Variants in HHAT observed in about 807,000 individuals in gnomAD.
HHAT encodes the protein protein-cysteine N-palmitoyltransferase HHAT.
In HHAT, 47 loss-of-function variants were observed where a neutral mutation model predicts 70.8. That is an observed-to-expected ratio of 0.66 (90% CI 0.53 to 0.85). HHAT has a LOEUF of 0.85. Among genes scored for constraint, HHAT ranks in the 40% least tolerant of loss-of-function variants. The probability of loss-of-function intolerance (pLI) is 0.00; values close to 1 mark genes in which losing one functional copy is unlikely to be tolerated. For synonymous variants in HHAT, 228 were observed against 247.6 expected (o/e 0.92, Z 0.74); for missense variants, 609 against 604.8 (o/e 1.01, Z -0.07).
chr1:210,522,874 A>G (rs779588693), intron 9 of HHAT, among the ~76,000 whole-genome samples: 6 of 152,032 alleles, frequency 3.9e-5, no homozygotes, highest in African/African-American at 2.4e-5. Context: ...CCTTTCTAAG[A>G]CCTTGACTAC....
At chr1:210,477,125 C>T (rs2094317284) in intron 8 of HHAT, among the ~76,000 whole-genome samples, 1 of 152,134 alleles carries the variant, frequency 6.6e-6, no homozygotes, top group South Asian at 2.1e-4. Context: ...AGACAGGTGA[C>T]AACAAACTTG....
intron 3 of HHAT, among the ~76,000 whole-genome samples, chr1:210,376,264 A>G (rs891240259): frequency 6.6e-6 from 1 of 152,120 alleles, no homozygotes; most frequent in African/African-American, 2.4e-5. Flanking sequence ...TATTTATATC[A>G]ACATTTACTT....
intron 1 of HHAT, among the ~76,000 whole-genome samples, chr1:210,336,764 CAG>C (rs59533331): frequency 0.013 from 1,991 of 152,064 alleles, 50 homozygotes; most frequent in African/African-American, 0.046. Context: ...GTCTGGGTGA[CAG>C]AGTGAGACCC....
intron 3 of HHAT, among the ~76,000 whole-genome samples, chr1:210,381,367 A>AC (rs2090621865): frequency 6.6e-6 from 1 of 151,854 alleles, no homozygotes; most frequent in African/African-American, 2.4e-5. Flanking sequence ...TGCAACCTCC[A>AC]CCTCCCAGGT....
intron 11 of HHAT, among the ~76,000 whole-genome samples, chr1:210,653,568 A>G (rs2148940259): frequency 6.6e-6 from 1 of 151,754 alleles, no homozygotes; most frequent in Non-Finnish European, 1.5e-5. Context: ...TTTAATGTGT[A>G]TGTTTCTGTG....
At chr1:210,404,378 T>C in intron 5 of HHAT, 86 bp from the exon 6 acceptor site, 1 of 975,488 alleles carries the variant, frequency 1.0e-6, no homozygotes. Flanking sequence ...CAGATGACGG[T>C]GGCCCTGCTG....
chr1:210,374,524 C>T (rs116218429), intron 3 of HHAT, among the ~76,000 whole-genome samples: 1,633 of 152,200 alleles, frequency 0.011, 19 homozygotes, highest in African/African-American at 0.031. Flanking sequence ...TGTTATTCAC[C>T]GGGTGCCTTT....
intron 8 of HHAT, among the ~76,000 whole-genome samples, chr1:210,505,975 T>C (rs1425905791): frequency 1.3e-5 from 2 of 152,166 alleles, no homozygotes; most frequent in African/African-American, 4.8e-5. Flanking sequence ...GCAGGCAGCC[T>C]GTTAGAGCAG....
intron 8 of HHAT, among the ~76,000 whole-genome samples, chr1:210,503,311 G>A (rs903407001): frequency 6.6e-6 from 1 of 152,130 alleles, no homozygotes; most frequent in African/African-American, 2.4e-5. Context: ...AGCAAGGCAG[G>A]GGTGAGGTTT....
chr1:210,639,425 A>G (rs557834170), intron 11 of HHAT, among the ~76,000 whole-genome samples: 2 of 152,308 alleles, frequency 1.3e-5, no homozygotes, highest in South Asian at 2.1e-4. Context: ...GAGTTTTCCA[A>G]GCTCTCCAGA....
chr1:210,362,378 C>T (rs1278752954), intron 2 of HHAT, among the ~76,000 whole-genome samples: 2 of 152,028 alleles, frequency 1.3e-5, no homozygotes. Flanking sequence ...CTGACCATGC[C>T]ACCACACCTG....
At chr1:210,646,538 T>C (rs1674106173) in intron 11 of HHAT, among the ~76,000 whole-genome samples, 1 of 151,998 alleles carries the variant, frequency 6.6e-6, no homozygotes, top group Non-Finnish European at 1.5e-5. Flanking sequence ...TATTTCTTGC[T>C]TTTATGAAAA....
intron 9 of HHAT, among the ~76,000 whole-genome samples, chr1:210,555,300 G>A (rs779380106): frequency 5.3e-5 from 8 of 152,196 alleles, no homozygotes; most frequent in Non-Finnish European, 1.0e-4. Context: ...TGACACCAGG[G>A]TGAAGCCCAG....
intron 9 of HHAT, among the ~76,000 whole-genome samples, chr1:210,581,884 G>A (rs377316087): frequency 6.6e-6 from 1 of 152,094 alleles, no homozygotes; most frequent in Non-Finnish European, 1.5e-5. Flanking sequence ...ATTATGTTAC[G>A]TATTTAAGTA....
chr1:210,587,875 C>G, intron 9 of HHAT, 23 bp from the exon 10 acceptor site: 3 of 1,603,668 alleles, frequency 1.9e-6, no homozygotes, highest in Non-Finnish European at 2.6e-6. Context: ...TGTATGTCTC[C>G]TAACAGCCTC....
chr1:210,544,862 A>C (rs1343230689), intron 9 of HHAT, among the ~76,000 whole-genome samples: 1 of 152,188 alleles, frequency 6.6e-6, no homozygotes, highest in Non-Finnish European at 1.5e-5. Context: ...CATGCACCAG[A>C]TGGCAGGAGT....
At chr1:210,420,687 CAAAG>C (rs990672813) in intron 7 of HHAT, among the ~76,000 whole-genome samples, 16 of 146,374 alleles carry the variant, frequency 1.1e-4, no homozygotes, top group African/African-American at 2.8e-4. Flanking sequence ...AAAAAAAAAA[CAAAG>C]AAATACATTT....
chr1:210,505,819 A>G (rs1374685980), intron 8 of HHAT, among the ~76,000 whole-genome samples: 1 of 152,228 alleles, frequency 6.6e-6, no homozygotes, highest in Admixed American at 6.5e-5. Context: ...TGCCTGTGTC[A>G]TGCTAAGTGG....
intron 1 of HHAT, among the ~76,000 whole-genome samples, chr1:210,330,003 T>C (rs1388994981): frequency 1.3e-5 from 2 of 152,176 alleles, no homozygotes; most frequent in Non-Finnish European, 2.9e-5. Context: ...CACCTCGACC[T>C]CCCAAAGTGC....
Sources: gnomAD v4.1 joint callset for allele counts (sites outside exome capture counted in the v4.1 genomes callset) on GRCh38, gnomAD v4.1.1 for gene constraint, MANE v1.5 for transcripts, NCBI Gene and HGNC (gene_info 2026-07-23, HGNC 2026-07-21) for gene names.